The following DNAAF9 variants were observed in gnomAD, a reference collection of about 807,000 sequenced individuals.
DNAAF9 encodes the protein shulin.
In DNAAF9, 90 loss-of-function variants were observed where a neutral mutation model predicts 167.0. That is an observed-to-expected ratio of 0.54 (90% CI 0.45 to 0.64). The LOEUF (loss-of-function observed/expected upper bound fraction) is 0.64. Ranked by LOEUF, DNAAF9 falls within the 30% of genes least tolerant of loss-of-function variation. The pLI is 0.00. For missense variants in DNAAF9, 1,315 were observed against 1,442.2 expected (o/e 0.91, Z 1.43); for synonymous variants, 491 against 508.8 (o/e 0.96, Z 0.47).
At chr20:3,325,738 G>A (rs1754873336) in intron 13 of DNAAF9, among the ~76,000 whole-genome samples, 1 of 152,164 alleles carries the variant, frequency 6.6e-6, no homozygotes, top group Non-Finnish European at 1.5e-5. Context: ...AATGGTCAGA[G>A]AACGGGAACA....
intron 20 of DNAAF9, among the ~76,000 whole-genome samples, chr20:3,313,568 A>T (rs151328038): frequency 1.3e-5 from 2 of 152,366 alleles, no homozygotes; most frequent in Non-Finnish European, 2.9e-5. Context: ...CAGGAGTCAT[A>T]AGAAAATGTT....
chr20:3,298,025 T>C lies in DNAAF9; in HGVS notation c.1929+4A>G, dbSNP rs756540267. The C allele has an allele frequency of 5.0e-6, 8 of 1,610,400 alleles. No homozygotes were observed. The highest frequency in any genetic ancestry group is 1.7e-5 in the Admixed American group (1 of 59,950). On this transcript the variant is annotated splice_donor_region_variant and intron_variant, in intron 22 of 36. Transcript: ENST00000252032. Reference sequence around the variant, plus strand: ...TAGTTTTGCTGAATAATGACTGATATTACCTCTGAGTAAAATGCTTGGTAT... The same window carrying C: ...TAGTTTTGCTGAATAATGACTGATACTACCTCTGAGTAAAATGCTTGGTAT...
chr20:3,386,919 C>T (rs2083748696), intron 1 of DNAAF9, among the ~76,000 whole-genome samples: 1 of 152,144 alleles, frequency 6.6e-6, no homozygotes, highest in Admixed American at 6.5e-5. Context: ...TATTACTATA[C>T]CTCTATTAGA....
chr20:3,406,165 G>T (rs1252266593), intron 1 of DNAAF9, among the ~76,000 whole-genome samples: 3 of 152,170 alleles, frequency 2.0e-5, no homozygotes. Flanking sequence ...GGAAAGGAAT[G>T]CAGGGAAGTA....
chr20:3,259,514 G>A lies in DNAAF9; in HGVS notation c.3021C>T (p.Asn1007=), dbSNP rs2068342644. 2 of 1,612,964 alleles carry A rather than the reference G, an allele frequency of 1.2e-6. No individual in the cohort carries two copies. Among genetic ancestry groups the A allele is most frequent in the African/African-American group, 2.7e-5 (2 of 74,924 alleles). ...SSIKPSPFSG[N]IYHILGKVKF... ...TCACTTTGCCCAGGATGTGGTAGAT[G>A]TTTCCGGAGAAGGGACTTGGCTTGA... The change falls in exon 33 of 37, where the codon AAC becomes AAT. Residue 1007 remains asparagine (N), a synonymous_variant. Coordinates refer to ENST00000252032, the MANE Select transcript of DNAAF9 (RefSeq NM_001009984.3).
chr20:3,292,101 C>A (rs2068966999), intron 25 of DNAAF9, among the ~76,000 whole-genome samples: 1 of 151,782 alleles, frequency 6.6e-6, no homozygotes, highest in Non-Finnish European at 1.5e-5. Flanking sequence ...CGGGTTCACG[C>A]AATTCTCCTG....
At chr20:3,297,703 G>A (rs1206207215) in intron 22 of DNAAF9, among the ~76,000 whole-genome samples, 1 of 152,216 alleles carries the variant, frequency 6.6e-6, no homozygotes, top group African/African-American at 2.4e-5. Flanking sequence ...GGGTGGCAAA[G>A]AGAACACTAA....
Position 3,249,416 on chromosome 20 carries a change from G to A in DNAAF9, c.*3156C>T, listed in dbSNP as rs2068167790. On this transcript the variant is annotated 3_prime_UTR_variant, in exon 37 of 37. Transcript: ENST00000252032. The stretch of plus-strand genomic sequence containing the variant: ...TAAAATAATATAAAAATAAATTGAA[G>A]GCTACTTTTATATATTTACTGAATT... 6.6e-6 allele frequency: 1 copy of A among 152,148 alleles called. No homozygotes were observed. Among genetic ancestry groups the A allele is most frequent in the Admixed American group, 6.5e-5 (1 of 15,268 alleles). 9.4% of individuals were successfully genotyped at this position (152,148 alleles called of 1,614,324 possible).
intron 7 of DNAAF9, among the ~76,000 whole-genome samples, chr20:3,354,290 T>C (rs1222018199): frequency 6.6e-6 from 1 of 152,258 alleles, no homozygotes; most frequent in Non-Finnish European, 1.5e-5. Flanking sequence ...CTGTTGTAAG[T>C]AAGTGGAACT....
Position 3,336,887 on chromosome 20 carries a change from T to C in DNAAF9, c.981+3617A>G, listed in dbSNP as rs971145372. On this transcript the variant is annotated intron_variant, in intron 10 of 36. Transcript: ENST00000252032. ...TCAATTTGGTTTTCCTTTTTCTTTT[T>C]TTTTTTTTTTTGAGATGGAGTCTCG... 1.3e-4 allele frequency among the ~76,000 whole-genome samples: 20 copies of C among 150,134 alleles called. No homozygotes were observed. The East Asian group carries it at 3.5e-3, about 26-fold the overall frequency.
At position 3,407,617 on chromosome 20, in the gene DNAAF9, C is replaced by A. The variant is rs1228619345; in HGVS notation, c.-60G>T. The A allele has an allele frequency of 8.3e-7, 1 of 1,198,870 alleles. No individual in the cohort carries two copies. Among genetic ancestry groups the A allele is most frequent in the East Asian group, 3.4e-5 (1 of 29,046 alleles). 74.3% of individuals were successfully genotyped at this position (1,198,870 alleles called of 1,614,324 possible). On this transcript the variant is annotated 5_prime_UTR_variant, in exon 1 of 37. Transcript: ENST00000252032. ...CAGCTGCGAGGGTCTCAGTTGCCCG[C>A]AGGGCGGCTCCACGCTAGCTGCGGC...
rs57455513 is a variant in DNAAF9 at position 3,384,616 on chromosome 20, T to C, written c.84-2110A>G. ...TCGAACTCCTGGGCTCAAGCAATCC[T>C]CCCTCCTCAGCCCTCCTGAGTAGCT... On this transcript the variant is annotated intron_variant, in intron 1 of 36. Transcript: ENST00000252032. Among the ~76,000 whole-genome samples, 1,356 of 149,674 alleles carry C rather than the reference T, an allele frequency of 9.1e-3. 18 individuals carry two copies. Among genetic ancestry groups the C allele is most frequent in the African/African-American group, 0.032 (1,301 of 40,844 alleles).
At chr20:3,386,761 T>G (rs897391512) in intron 1 of DNAAF9, among the ~76,000 whole-genome samples, 1 of 147,234 alleles carries the variant, frequency 6.8e-6, no homozygotes, top group African/African-American at 2.5e-5. Flanking sequence ...CAAAACTCAA[T>G]GGTAAAAAAA....
intron 6 of DNAAF9, among the ~76,000 whole-genome samples, chr20:3,369,193 G>GT (rs913873082): frequency 6.6e-6 from 1 of 151,368 alleles, no homozygotes; most frequent in African/African-American, 2.4e-5. Flanking sequence ...AGATTTAAGG[G>GT]TTTTTTTTCC....
chr20:3,287,083 A>G (rs992356215), intron 27 of DNAAF9, among the ~76,000 whole-genome samples: 5 of 152,136 alleles, frequency 3.3e-5, no homozygotes, highest in Admixed American at 3.3e-4. Context: ...CACTCAAAAT[A>G]ATCATGCTTA....
chr20:3,250,734 G>A lies in DNAAF9; in HGVS notation c.*1838C>T, dbSNP rs558410418. 6.6e-6 allele frequency: 1 copy of A among 152,304 alleles called. No homozygotes were observed. Among genetic ancestry groups the A allele is most frequent in the South Asian group, 2.1e-4 (1 of 4,830 alleles). 9.4% of individuals were successfully genotyped at this position (152,304 alleles called of 1,614,324 possible). On this transcript the variant is annotated 3_prime_UTR_variant, in exon 37 of 37. Transcript: ENST00000252032. ...TGCCAGGCCAGTGCAGTCAGGAAAT[G>A]GCTCAAGCTCCTAAAGCTAGAGCTT...
intron 27 of DNAAF9, among the ~76,000 whole-genome samples, chr20:3,285,439 G>A (rs1338917042): frequency 6.6e-6 from 1 of 152,130 alleles, no homozygotes; most frequent in Non-Finnish European, 1.5e-5. Flanking sequence ...AGCACTCTGG[G>A]AGGCCAAGGC....
At chr20:3,342,340 C>T (rs2070103085) in intron 9 of DNAAF9, among the ~76,000 whole-genome samples, 1 of 152,188 alleles carries the variant, frequency 6.6e-6, no homozygotes, top group Non-Finnish European at 1.5e-5. Context: ...ATGCTCTTTT[C>T]TCCTTCATGG....
At chr20:3,363,222 C>T (rs1229402143) in intron 6 of DNAAF9, among the ~76,000 whole-genome samples, 9 of 143,344 alleles carry the variant, frequency 6.3e-5, no homozygotes, top group African/African-American at 1.6e-4. Context: ...GAGTGAGACT[C>T]CGTCTCAAAA....
Sources: allele counts gnomAD v4.1 joint callset (sites outside exome capture counted in the v4.1 genomes callset), GRCh38; gene constraint gnomAD v4.1.1; transcripts MANE v1.5; gene names NCBI Gene and HGNC (gene_info 2026-07-23, HGNC 2026-07-21).